The following ECT2 variants were observed in gnomAD, a reference collection of about 807,000 sequenced individuals.
ECT2 encodes epithelial cell transforming 2.
Under a neutral mutation model 116.9 loss-of-function variants are expected in ECT2, and 61 were observed. The ratio of observed to expected loss-of-function variants is 0.52; its 90% CI spans 0.42 to 0.65. The LOEUF (loss-of-function observed/expected upper bound fraction) is 0.65, where lower values mean the gene tolerates loss of function less well. Among genes scored for constraint, ECT2 ranks in the 30% least tolerant of loss-of-function variants. ECT2 has a pLI of 0.00. For missense variants in ECT2, 937 were observed against 1,078.7 expected, an observed-to-expected ratio of 0.87 and a Z score of 1.84; for synonymous variants, 358 against 346.4, an observed-to-expected ratio of 1.03 and a Z score of -0.37.
intron 12 of ECT2, among the ~76,000 whole-genome samples, chr3:172,767,769 G>C (rs117974314): frequency 0.032 from 4,822 of 150,058 alleles, 163 homozygotes; most frequent in East Asian, 0.16. Flanking sequence ...AGGCTGGAGT[G>C]TGGTGGCGTG....
At chr3:172,777,768 G>A (rs1299702065) in intron 14 of ECT2, among the ~76,000 whole-genome samples, 2 of 152,062 alleles carry the variant, frequency 1.3e-5, no homozygotes, top group African/African-American at 2.4e-5. Flanking sequence ...GTGTGGTGGC[G>A]CATGCCTGTA....
chr3:172,759,721 T>C (rs192534138), intron 6 of ECT2, among the ~76,000 whole-genome samples: 8 of 152,238 alleles, frequency 5.3e-5, no homozygotes, highest in Admixed American at 1.3e-4. Flanking sequence ...TGGGATTACA[T>C]GCGTGAGCCA....
intron 18 of ECT2, among the ~76,000 whole-genome samples, chr3:172,788,378 CTT>C (rs1245356965): frequency 2.0e-4 from 31 of 152,196 alleles, no homozygotes; most frequent in African/African-American, 7.0e-4. Flanking sequence ...TGGCTTTTTT[CTT>C]AAACTACACA....
At chr3:172,822,498 G>A (rs1217482279), downstream of ECT2, among the ~76,000 whole-genome samples, 2 of 151,938 alleles carry the variant, frequency 1.3e-5, no homozygotes, top group Non-Finnish European at 2.9e-5. Context: ...GGGATTTGAG[G>A]CTAATATATA....
chr3:172,783,445 A>G (rs976537176), intron 15 of ECT2, among the ~76,000 whole-genome samples: 7 of 152,088 alleles, frequency 4.6e-5, no homozygotes, highest in Non-Finnish European at 7.4e-5. Flanking sequence ...GGATTTTTGA[A>G]TAAATACCAT....
At chr3:172,804,742 T>A (rs12107109) in intron 20 of ECT2, among the ~76,000 whole-genome samples, 9,338 of 152,196 alleles carry the variant, frequency 0.061, 967 homozygotes, top group African/African-American at 0.21. Flanking sequence ...TGGCTTACTT[T>A]AAATTTTTGA....
chr3:172,792,584 G>T (rs762025198), intron 18 of ECT2, among the ~76,000 whole-genome samples: 3 of 151,806 alleles, frequency 2.0e-5, no homozygotes, highest in African/African-American at 7.3e-5. Flanking sequence ...TGGCATTTTG[G>T]TTGTTTCCAG....
intron 14 of ECT2, 72 bp downstream of exon 14, chr3:172,774,094 C>T: frequency 6.9e-7 from 1 of 1,454,068 alleles, no homozygotes; most frequent in Non-Finnish European, 9.5e-7. Flanking sequence ...CTTTGAGGTA[C>T]TTCTGGTTAG....
chr3:172,812,364 T>C (rs758001998), intron 22 of ECT2, among the ~76,000 whole-genome samples: 20 of 152,224 alleles, frequency 1.3e-4, no homozygotes, highest in Non-Finnish European at 2.1e-4. Context: ...ATTTTACCTG[T>C]TTCTAAGCTG....
downstream of ECT2, among the ~76,000 whole-genome samples, chr3:172,823,443 A>G (rs1042125459): frequency 6.6e-6 from 1 of 152,184 alleles, no homozygotes; most frequent in Non-Finnish European, 1.5e-5. Context: ...TTAGAAATCT[A>G]AATATTTGAC....
intron 12 of ECT2, among the ~76,000 whole-genome samples, chr3:172,768,089 C>T (rs961561681): frequency 2.6e-5 from 4 of 152,082 alleles, no homozygotes; most frequent in Non-Finnish European, 5.9e-5. Flanking sequence ...CCTCCTTCCA[C>T]TCTGTACTGG....
chr3:172,767,675 G>A (rs181967386), intron 12 of ECT2, among the ~76,000 whole-genome samples: 3 of 151,826 alleles, frequency 2.0e-5, no homozygotes, highest in African/African-American at 7.3e-5. Flanking sequence ...CAGATTTTAA[G>A]CTTTTATACA....
At chr3:172,753,312 G>T (rs35327698) in intron 1 of ECT2, among the ~76,000 whole-genome samples, 21,156 of 152,056 alleles carry the variant, frequency 0.14, 1,728 homozygotes, top group Non-Finnish European at 0.18. Flanking sequence ...TGCCCAGTCT[G>T]GTGTTGAAGT....
chr3:172,762,889 A>T, intron 10 of ECT2, 21 bp from the exon 11 acceptor site: 6 of 1,613,014 alleles, frequency 3.7e-6, no homozygotes, highest in Non-Finnish European at 5.1e-6. Flanking sequence ...TGTTTATTAA[A>T]ATGTTTTTTC....
At chr3:172,828,512 G>C in the ECT2 span, among the ~76,000 whole-genome samples, 6 of 152,062 alleles carry the variant, frequency 3.9e-5, no homozygotes, top group Admixed American at 3.9e-4. Context: ...ACAGTGCAGT[G>C]CTGGAAGTCT....
chr3:172,811,763 T>TA (rs1221325475), intron 22 of ECT2, among the ~76,000 whole-genome samples: 1 of 152,146 alleles, frequency 6.6e-6, no homozygotes, highest in Non-Finnish European at 1.5e-5. Flanking sequence ...AAGAGTAACT[T>TA]ACCAATGTTT....
chr3:172,775,638 C>CT (rs536857351), intron 14 of ECT2, among the ~76,000 whole-genome samples: 8,901 of 142,754 alleles, frequency 0.062, 899 homozygotes, highest in African/African-American at 0.21. Flanking sequence ...GGGTTTTTTT[C>CT]TTTTTTTTTT....
At chr3:172,776,850 T>C (rs1721825373) in intron 14 of ECT2, among the ~76,000 whole-genome samples, 2 of 151,690 alleles carry the variant, frequency 1.3e-5, no homozygotes, top group Non-Finnish European at 1.5e-5. Context: ...TGGTTAAGAA[T>C]ATGTAGTGGA....
At chr3:172,817,690 A>G (rs1729993712) in intron 24 of ECT2, among the ~76,000 whole-genome samples, 1 of 152,120 alleles carries the variant, frequency 6.6e-6, no homozygotes, top group South Asian at 2.1e-4. Context: ...ATTTAATACT[A>G]CTATTACTAA....
Sources: gnomAD v4.1 joint callset for allele counts (sites outside exome capture counted in the v4.1 genomes callset) on GRCh38, gnomAD v4.1.1 for gene constraint, MANE v1.5 for transcripts, NCBI Gene and HGNC (gene_info 2026-07-23, HGNC 2026-07-21) for gene names.